The following CCDC171 variants were observed in gnomAD, a reference collection of about 807,000 sequenced individuals.
CCDC171 encodes coiled-coil domain containing 171, also known as coiled-coil domain-containing protein 171.
A neutral mutation model predicts 168.2 loss-of-function variants in CCDC171; 177 were observed. The ratio of observed to expected loss-of-function variants is 1.05; its 90% confidence interval spans 0.93 to 1.19. The LOEUF is 1.19. Ranked by LOEUF, CCDC171 falls within the 50% of genes most tolerant of loss-of-function variation. The pLI is 0.00. For synonymous variants in CCDC171, 687 were observed against 540.8 expected, an observed-to-expected ratio of 1.27 and a Z score of -3.75; for missense variants, 1,991 against 1,539.0, an observed-to-expected ratio of 1.29 and a Z score of -4.91.
chr9:15,774,433 A>G (rs1222528309), intron 18 of CCDC171, among the ~76,000 whole-genome samples: 2 of 152,026 alleles, frequency 1.3e-5, no homozygotes, highest in Non-Finnish European at 2.9e-5. Flanking sequence ...AAGAATGGCC[A>G]TAATAAAAAA....
intron 25 of CCDC171, among the ~76,000 whole-genome samples, chr9:15,961,161 C>T (rs985823565): frequency 6.6e-6 from 1 of 152,092 alleles, no homozygotes; most frequent in Non-Finnish European, 1.5e-5. Context: ...TCTTTCCTTC[C>T]TCTGCTCTTC....
In CCDC171 at chr9:15,744,419, A is replaced by C. The variant is rs757212626; in HGVS notation, c.2196A>C (p.Ala732=). The change falls in exon 17 of 26, where the codon GCA becomes GCC. Residue 732 remains alanine, a synonymous_variant. Transcript: ENST00000380701. The part of the protein sequence containing the change: ...REQMSLLAAC[A]LMAGALYPLY... ...AGATGTCCTTGCTGGCAGCCTGTGC[A>C]TTAATGGCTGGTGCCTTATATCCCC... is the stretch of plus-strand genomic sequence containing the variant. 2 of 1,614,184 alleles carry C rather than the reference A, an allele frequency of 1.2e-6. No homozygotes were observed. The highest frequency in any genetic ancestry group is 3.3e-5 in the Admixed American group (2 of 60,010).
chr9:15,653,251 C>T (rs1002397140), intron 7 of CCDC171, among the ~76,000 whole-genome samples: 3 of 151,916 alleles, frequency 2.0e-5, no homozygotes, highest in Non-Finnish European at 4.4e-5. Context: ...GTGATCCTCC[C>T]ACCTCAGCCT....
intron 2 of CCDC171, 48 bp downstream of exon 2, chr9:15,564,177 A>G (rs899864336): frequency 2.1e-6 from 3 of 1,401,914 alleles, no homozygotes; most frequent in Non-Finnish European, 1.0e-6. Context: ...TTTAGTTGCA[A>G]GGAACAGGGA....
At chr9:15,861,909 C>T (rs2130989856) in intron 23 of CCDC171, among the ~76,000 whole-genome samples, 1 of 152,004 alleles carries the variant, frequency 6.6e-6, no homozygotes, top group Admixed American at 6.6e-5. Context: ...CTTTAGCGCT[C>T]CTTGTAAGGC....
At chr9:15,749,856 C>T (rs978594718) in intron 18 of CCDC171, among the ~76,000 whole-genome samples, 1 of 151,950 alleles carries the variant, frequency 6.6e-6, no homozygotes, top group East Asian at 1.9e-4. Context: ...ACTAAATGCC[C>T]ACAAGAGAAA....
At chr9:15,866,284 G>C (rs981818938) in intron 23 of CCDC171, among the ~76,000 whole-genome samples, 10 of 151,862 alleles carry the variant, frequency 6.6e-5, no homozygotes, top group African/African-American at 2.4e-4. Context: ...ACTGGATATA[G>C]TGAGTAATAA....
chr9:16,084,864 G>T, the CCDC171 span, among the ~76,000 whole-genome samples: 12 of 152,272 alleles, frequency 7.9e-5, no homozygotes, highest in East Asian at 7.7e-4. Flanking sequence ...AATGAACATG[G>T]AATTTCCTGA....
chr9:15,986,259 C>A (rs943859691), intron 3 of CCDC171, among the ~76,000 whole-genome samples: 1 of 152,094 alleles, frequency 6.6e-6, no homozygotes, highest in Non-Finnish European at 1.5e-5. Context: ...TTGATTAAAC[C>A]CTTCTCTGCG....
intron 25 of CCDC171, among the ~76,000 whole-genome samples, 162 bp downstream of exon 25, chr9:15,920,584 A>G (rs991949477): frequency 2.0e-5 from 3 of 151,744 alleles, no homozygotes; most frequent in African/African-American, 7.2e-5. Flanking sequence ...AATTTGAAAG[A>G]AGAAAAGCAA....
chr9:15,597,104 G>C (rs911673046), intron 6 of CCDC171, among the ~76,000 whole-genome samples: 2 of 152,040 alleles, frequency 1.3e-5, no homozygotes, highest in Non-Finnish European at 2.9e-5. Context: ...GGGACAATTT[G>C]ACTTCCTCTT....
intron 7 of CCDC171, among the ~76,000 whole-genome samples, chr9:15,626,984 C>G (rs913091391): frequency 2.6e-5 from 4 of 152,184 alleles, no homozygotes; most frequent in African/African-American, 7.2e-5. Flanking sequence ...ATTATTGCCT[C>G]AATTTCAGAG....
chr9:15,568,037 C>G (rs1362124067), intron 2 of CCDC171, among the ~76,000 whole-genome samples: 2 of 145,178 alleles, frequency 1.4e-5, no homozygotes, highest in Non-Finnish European at 3.0e-5. Flanking sequence ...TTGGATTGTT[C>G]ATTACTAGGA....
At chr9:15,719,415 AAAGAG>A (rs2053312032) in intron 11 of CCDC171, among the ~76,000 whole-genome samples, 2 of 30,912 alleles carry the variant, frequency 6.5e-5, no homozygotes, top group Non-Finnish European at 1.4e-4. Context: ...GGGGCGGGGG[AAAGAG>A]AGAGAGAGAG....
intron 23 of CCDC171, among the ~76,000 whole-genome samples, chr9:15,866,599 G>C (rs185033954): frequency 6.6e-6 from 1 of 152,130 alleles, no homozygotes; most frequent in East Asian, 1.9e-4. Context: ...TGAATGTAAG[G>C]TAATGTGGAA....
In CCDC171 at chr9:15,744,488, C is replaced by G. The variant is rs200452937; in HGVS notation, c.2265C>G (p.Leu755=). ...CCTTGTCTACACAGAGAGATTTTCTCCAGGAGCAGGTCAACACCTTTGAGT... is the reference window on the plus strand; with the variant it reads ...CCTTGTCTACACAGAGAGATTTTCTGCAGGAGCAGGTCAACACCTTTGAGT... The part of the protein sequence containing the change: ...SCALSTQRDF[L]QEQVNTFELF... Residue 755 remains leucine, a synonymous_variant, in exon 17 of 26, where the codon CTC becomes CTG. Coordinates refer to ENST00000380701, the MANE Select transcript of CCDC171 (RefSeq NM_173550.4). The G allele has an allele frequency of 1.6e-5, 26 of 1,614,174 alleles. No homozygotes were observed. The highest frequency in any genetic ancestry group is 2.2e-5 in the Non-Finnish European group (26 of 1,180,036).
At chr9:15,951,134 G>C (rs1829106824) in intron 25 of CCDC171, among the ~76,000 whole-genome samples, 1 of 150,530 alleles carries the variant, frequency 6.6e-6, no homozygotes, top group African/African-American at 2.4e-5. Context: ...CAAGTCCTGA[G>C]CGACCTACAA....
chr9:15,560,695 G>A (rs898488190), intron 1 of CCDC171, among the ~76,000 whole-genome samples: 4 of 152,202 alleles, frequency 2.6e-5, no homozygotes, highest in Admixed American at 2.0e-4. Context: ...GCTCGGAGAA[G>A]TTTATTATTA....
At chr9:15,626,321 A>G (rs1012866577) in intron 7 of CCDC171, among the ~76,000 whole-genome samples, 1 of 152,120 alleles carries the variant, frequency 6.6e-6, no homozygotes, top group South Asian at 2.1e-4. Flanking sequence ...CTCCTGCCTG[A>G]TTGCCCTGGC....
Sources: allele counts gnomAD v4.1 joint callset (sites outside exome capture counted in the v4.1 genomes callset), GRCh38; gene constraint gnomAD v4.1.1; transcripts MANE v1.5; gene names NCBI Gene and HGNC (gene_info 2026-07-23, HGNC 2026-07-21).